Variants in USP35 observed in about 807,000 individuals in gnomAD.
The protein encoded by USP35 is ubiquitin carboxyl-terminal hydrolase 35.
Under a neutral mutation model 83.8 loss-of-function variants are expected in USP35, and 69 were observed. The observed-to-expected ratio is 0.82, with a 90% CI of 0.68 to 1.01. The LOEUF (loss-of-function observed/expected upper bound fraction) is 1.01, where lower values mean the gene tolerates loss of function less well. Among genes scored for constraint, USP35 ranks in the 50% least tolerant of loss-of-function variants. The pLI, the probability that USP35 is intolerant of heterozygous loss-of-function variation, is 0.00. For missense variants in USP35, 1,503 were observed against 1,362.5 expected (o/e 1.10, Z -1.62); for synonymous variants, 714 against 589.5 (o/e 1.21, Z -3.06).
At chr11:78,191,443 G>A (rs478283) in intron 1 of USP35, among the ~76,000 whole-genome samples, 4 of 152,334 alleles carry the variant, frequency 2.6e-5, no homozygotes, top group Non-Finnish European at 5.9e-5. Flanking sequence ...GCGCTGGCTG[G>A]GAAAGGCTAA....
At chr11:78,222,098 C>T in the USP35 span, 10 of 1,585,088 alleles carry the variant, frequency 6.3e-6, no homozygotes, top group Non-Finnish European at 8.7e-6. Flanking sequence ...CACACATACG[C>T]ACTTACTTGG....
chr11:78,223,187 C>T, the USP35 span, among the ~76,000 whole-genome samples: 42 of 152,164 alleles, frequency 2.8e-4, no homozygotes, highest in African/African-American at 9.4e-4. Context: ...CTTTACTGAA[C>T]GCCTGCTATG....
rs753934798 is a variant in USP35 at position 78,210,228 on chromosome 11, C to T, written c.2373C>T (p.Ala791=). 56 of 1,613,948 alleles carry T rather than the reference C, an allele frequency of 3.5e-5. No homozygotes were observed. The highest frequency in any genetic ancestry group is 4.2e-5 in the Non-Finnish European group (49 of 1,180,044). Residue 791 remains alanine (A), a synonymous_variant, in exon 10 of 11, where the codon GCC becomes GCT. Coordinates refer to ENST00000529308, the MANE Select transcript of USP35 (RefSeq NM_020798.4). ...YCESCASLQD[A]EKVVELSQGP... is the part of the protein sequence containing the mutation. The stretch of plus-strand genomic sequence containing the variant: ...AGTCGTGTGCCTCCCTGCAGGATGC[C>T]GAGAAGGTGGTGGAGCTGAGCCAAG...
chr11:78,191,278 A>T (rs920007235), intron 1 of USP35, among the ~76,000 whole-genome samples: 13 of 152,234 alleles, frequency 8.5e-5, no homozygotes, highest in African/African-American at 2.7e-4. Flanking sequence ...TCCGAGAGGA[A>T]CAGGTGAAAG....
intron 9 of USP35, 111 bp downstream of exon 9, chr11:78,209,074 A>C: frequency 9.0e-7 from 1 of 1,111,892 alleles, no homozygotes; most frequent in Non-Finnish European, 1.3e-6. Flanking sequence ...GCTGCCTCCA[A>C]CATGTGGAGG....
chr11:78,223,788 T>G, the USP35 span: 1 of 916,992 alleles, frequency 1.1e-6, no homozygotes, highest in South Asian at 1.7e-5. Flanking sequence ...TAGCTATACT[T>G]TGAAGCTGTA....
At chr11:78,206,090 C>G in intron 7 of USP35, 55 bp downstream of exon 7, 1 of 1,569,648 alleles carries the variant, frequency 6.4e-7, no homozygotes, top group Non-Finnish European at 8.7e-7. Context: ...TCTGGGCTCC[C>G]TGATGACAGG....
chr11:78,207,762 G>C, intron 8 of USP35, 139 bp downstream of exon 8: 4 of 890,088 alleles, frequency 4.5e-6, no homozygotes, highest in Non-Finnish European at 6.9e-6. Context: ...GGCCGGGCTG[G>C]CATATGGAAC....
chr11:78,204,039 C>T (rs964157234), intron 6 of USP35, among the ~76,000 whole-genome samples: 5 of 149,068 alleles, frequency 3.4e-5, no homozygotes, highest in African/African-American at 5.0e-5. Flanking sequence ...TACAGGCGCC[C>T]GCCACTACGC....
the USP35 span, among the ~76,000 whole-genome samples, chr11:78,230,036 C>A: frequency 6.6e-6 from 1 of 152,240 alleles, no homozygotes; most frequent in African/African-American, 2.4e-5. Flanking sequence ...TCTCTGCCAA[C>A]AGACTGTGAT....
In USP35 at chr11:78,196,536, C is replaced by A; in HGVS notation, c.291C>A (p.Gly97=). 1 of 1,224,310 alleles carries A rather than the reference C, an allele frequency of 8.2e-7. No individual in the cohort carries two copies. Among genetic ancestry groups the A allele is most frequent in the East Asian group, 4.2e-5 (1 of 23,994 alleles). The allele number at this position is 1,224,310 out of a possible 1,614,324, so 75.8% of individuals were successfully genotyped here. ...TGCAGGGTGGCGCCGGCCCCCCGGG[C>A]CCCCGCGCGCTCGCCTGCGTGCAGC... The part of the protein sequence containing the change: ...RLLQGGAGPP[G]PRALACVQLG... Residue 97 remains glycine (G), a synonymous_variant, in exon 2 of 11, where the codon GGC becomes GGA. Transcript: ENST00000529308. The surrounding 1 kb of genome is among the most constrained non-coding windows in gnomAD (Gnocchi z 4.8).
At chr11:78,204,001 C>T (rs1310376139) in intron 6 of USP35, among the ~76,000 whole-genome samples, 3 of 142,942 alleles carry the variant, frequency 2.1e-5, no homozygotes, top group East Asian at 4.2e-4. Context: ...CGCCATTCTC[C>T]TGCCTCAGCC....
At chr11:78,206,427 T>C (rs572967900) in intron 7 of USP35, among the ~76,000 whole-genome samples, 55 of 152,352 alleles carry the variant, frequency 3.6e-4, no homozygotes, top group Admixed American at 5.9e-4. Flanking sequence ...TGGCCACCTA[T>C]CTACCTTATG....
At chr11:78,228,307 A>T in the USP35 span, among the ~76,000 whole-genome samples, 1 of 152,238 alleles carries the variant, frequency 6.6e-6, no homozygotes, top group African/African-American at 2.4e-5. Flanking sequence ...CTTGTGTATG[A>T]TTCTTCATAG....
chr11:78,234,729 TGA>T, the USP35 span, among the ~76,000 whole-genome samples: 1 of 152,058 alleles, frequency 6.6e-6, no homozygotes, highest in African/African-American at 2.4e-5. Context: ...AACATTATCT[TGA>T]TTACCATAGT....
the USP35 span, among the ~76,000 whole-genome samples, chr11:78,229,844 T>G: frequency 6.6e-6 from 1 of 152,206 alleles, no homozygotes; most frequent in Non-Finnish European, 1.5e-5. Context: ...TCTGGAAGGC[T>G]TCTTACCTCA....
intron 5 of USP35, 97 bp downstream of exon 5, chr11:78,200,331 C>A: frequency 1.4e-6 from 2 of 1,420,518 alleles, no homozygotes; most frequent in Non-Finnish European, 2.0e-6. Flanking sequence ...TGCCTGCTGA[C>A]CCTGGGCTCT....
At position 78,209,279 on chromosome 11, in the gene USP35, C is replaced by T. The variant is rs547102968; in HGVS notation, c.1593-169C>T. ...AGGGCGTGTGGGTGAGTGTAGCAAG[C>T]GTGCTGTTGTGAGCATGTACGTGGA... On this transcript the variant is annotated intron_variant, in intron 9 of 10. Transcript: ENST00000529308. Among the ~76,000 whole-genome samples the T allele has an allele frequency of 5.4e-5, 8 of 146,818 alleles. No homozygotes were observed. The East Asian group carries it at 1.2e-3, about 21-fold the overall frequency.
rs1590896342 is a variant in USP35 at position 78,196,197 on chromosome 11, C to A, written c.-10-39C>A. ...CTGCACCGGGAACTCTTGAGCCCCG[C>A]GGTTGTCGGGCTGTGACCTCATTCC... On this transcript the variant is annotated intron_variant, in intron 1 of 10. Coordinates refer to ENST00000529308, the MANE Select transcript of USP35 (RefSeq NM_020798.4). This position sits in a 1 kb window ranked among gnomAD's most constrained non-coding sequence, Gnocchi z 4.8. 1 of 1,540,620 alleles carries A rather than the reference C, an allele frequency of 6.5e-7. No individual in the cohort carries two copies. Among genetic ancestry groups the A allele is most frequent in the African/African-American group, 1.4e-5 (1 of 70,438 alleles).
Sources: gnomAD v4.1 joint callset for allele counts (sites outside exome capture counted in the v4.1 genomes callset) on GRCh38, gnomAD v4.1.1 for gene constraint, Gnocchi (gnomAD v3.1) non-coding constraint, MANE v1.5 for transcripts, NCBI Gene and HGNC (gene_info 2026-07-23, HGNC 2026-07-21) for gene names.